NDFIP2: variants seen among roughly 807,000 people sequenced by gnomAD.
The protein encoded by NDFIP2 is NEDD4 family-interacting protein 2.
Under a neutral mutation model 36.0 loss-of-function variants are expected in NDFIP2, and 19 were observed. That is an observed-to-expected ratio of 0.53 (90% CI 0.37 to 0.77). The LOEUF (loss-of-function observed/expected upper bound fraction) is 0.77. NDFIP2 is among the 30% of genes least tolerant of loss of function. The pLI is 0.00. For missense variants in NDFIP2, 446 were observed against 435.8 expected, an observed-to-expected ratio of 1.02 and a Z score of -0.21; for synonymous variants, 181 against 167.7, an observed-to-expected ratio of 1.08 and a Z score of -0.61.
intron 1 of NDFIP2, among the ~76,000 whole-genome samples, chr13:79,514,050 G>A (rs574561808): frequency 6.6e-6 from 1 of 152,286 alleles, no homozygotes; most frequent in Admixed American, 6.5e-5. Flanking sequence ...GACCAGAGTT[G>A]TGATTCTTTT....
chr13:79,516,648 C>T lies in NDFIP2; in HGVS notation c.322-4162C>T, dbSNP rs535950925. On this transcript the variant is annotated intron_variant, in intron 1 of 7. Transcript: ENST00000218652. ...TGGTTTTTTAGATCACTTTTTTTTA[C>T]TACTTTAAAAATGATTTTTTAAAAA... 7.2e-5 allele frequency among the ~76,000 whole-genome samples: 11 copies of T among 152,092 alleles called. No homozygotes were observed. In the East Asian group the frequency reaches 2.1e-3, roughly 29 times the overall value.
chr13:79,555,562 GA>G lies in NDFIP2; in HGVS notation c.*3051del, dbSNP rs1250554534. 1 of 151,878 alleles carries G rather than the reference GA, an allele frequency of 6.6e-6. No homozygotes were observed. Among genetic ancestry groups the G allele is most frequent in the Non-Finnish European group, 1.5e-5 (1 of 67,928 alleles). The allele number at this position is 151,878 out of a possible 1,614,324, so 9.4% of individuals were successfully genotyped here. A position where few individuals can be genotyped will look rare whatever the true frequency, so the allele number is the denominator to read the frequency against. ...TTTCTAATGAACCATTTGGCCTGTA[GA>G]AGAGGAATAGTATTTTTTTTAATAG... On this transcript the variant is annotated 3_prime_UTR_variant, in exon 8 of 8. Coordinates refer to ENST00000218652, the MANE Select transcript of NDFIP2 (RefSeq NM_019080.3).
At chr13:79,500,146 G>A (rs1175114557) in intron 1 of NDFIP2, among the ~76,000 whole-genome samples, 6 of 149,210 alleles carry the variant, frequency 4.0e-5, no homozygotes, top group Admixed American at 6.7e-5. Context: ...AAATGGTGCT[G>A]GAACAGCTAG....
chr13:79,546,208 C>T (rs1875673316), intron 5 of NDFIP2, among the ~76,000 whole-genome samples: 1 of 141,600 alleles, frequency 7.1e-6, no homozygotes, highest in African/African-American at 2.4e-5. Flanking sequence ...CCTGGTGTTC[C>T]CTTTCATTAG....
At chr13:79,481,775 G>C (rs535576579) in intron 1 of NDFIP2, among the ~76,000 whole-genome samples, 1 of 152,162 alleles carries the variant, frequency 6.6e-6, no homozygotes, top group East Asian at 1.9e-4. Context: ...TAGCCCCGCT[G>C]TGAGACGCCC....
At chr13:79,534,207 G>A (rs1875133953) in intron 3 of NDFIP2, among the ~76,000 whole-genome samples, 1 of 151,870 alleles carries the variant, frequency 6.6e-6, no homozygotes, top group African/African-American at 2.4e-5. Flanking sequence ...GAATTCCATG[G>A]CCTATCATTT....
At chr13:79,537,062 T>C (rs1246921492) in intron 3 of NDFIP2, among the ~76,000 whole-genome samples, 13 of 151,460 alleles carry the variant, frequency 8.6e-5, no homozygotes, top group South Asian at 2.1e-4. Context: ...TTTTTTTTTT[T>C]CCTAAATGAT....
chr13:79,514,652 G>A (rs1874205776), intron 1 of NDFIP2, among the ~76,000 whole-genome samples: 1 of 152,114 alleles, frequency 6.6e-6, no homozygotes, highest in Admixed American at 6.5e-5. Flanking sequence ...GAAAATAGTT[G>A]AACATATATA....
intron 6 of NDFIP2, 35 bp downstream of exon 6, chr13:79,548,429 G>T: frequency 2.1e-6 from 3 of 1,438,808 alleles, no homozygotes; most frequent in Non-Finnish European, 2.9e-6. Context: ...GTTTAACTTG[G>T]ATATTTCCAA....
At chr13:79,546,758 T>A (rs2137116429) in intron 5 of NDFIP2, among the ~76,000 whole-genome samples, 1 of 152,334 alleles carries the variant, frequency 6.6e-6, no homozygotes. Flanking sequence ...CTGTTCTTGA[T>A]GTTCAGGTTA....
chr13:79,515,994 C>A (rs1874305719), intron 1 of NDFIP2, among the ~76,000 whole-genome samples: 1 of 150,662 alleles, frequency 6.6e-6, no homozygotes, highest in Non-Finnish European at 1.5e-5. Flanking sequence ...GTCATCTGCT[C>A]TAATATTCCA....
intron 6 of NDFIP2, among the ~76,000 whole-genome samples, chr13:79,550,673 C>G (rs1231215669): frequency 6.6e-6 from 1 of 151,350 alleles, no homozygotes; most frequent in African/African-American, 2.4e-5. Context: ...AAAGATTGAG[C>G]CCATGGGTTC....
At chr13:79,536,792 G>C (rs147979566) in intron 3 of NDFIP2, among the ~76,000 whole-genome samples, 1 of 152,162 alleles carries the variant, frequency 6.6e-6, no homozygotes, top group Non-Finnish European at 1.5e-5. Flanking sequence ...GGGAGGCTGA[G>C]GCAAGCAGGT....
rs142039160 is a variant in NDFIP2 at position 79,533,370 on chromosome 13, G to A, written c.535G>A (p.Val179Ile). The change falls in exon 3 of 8, where the codon GTT becomes ATT. Residue 179 changes from valine to isoleucine, a missense_variant. Around this residue, in one of 2 missense-constraint regions of NDFIP2, gnomAD observed 369 missense variants for 304.8 expected, o/e 1.21. Coordinates refer to ENST00000218652, the MANE Select transcript of NDFIP2 (RefSeq NM_019080.3). ...TTATCCCGTGCCACCTCCCTATAGC[G>A]TTGCTACCTCTCTTCCTACATACGA... ...EFYPVPPPYS[V>I]ATSLPTYDEA... is the part of the protein sequence containing the mutation. 3.5e-5 allele frequency: 56 copies of A among 1,611,778 alleles called. No homozygotes were observed. In the African/African-American group the frequency reaches 4.8e-4, roughly 14 times the overall value.
intron 1 of NDFIP2, among the ~76,000 whole-genome samples, chr13:79,506,315 AG>A: frequency 6.6e-6 from 1 of 152,070 alleles, no homozygotes; most frequent in East Asian, 1.9e-4. Context: ...TGATTCTCAC[AG>A]ACACACACAG....
intron 5 of NDFIP2, among the ~76,000 whole-genome samples, chr13:79,546,941 C>G (rs1439486850): frequency 2.0e-5 from 3 of 152,030 alleles, no homozygotes; most frequent in Middle Eastern, 3.4e-3. Context: ...TTTTCAATTT[C>G]AAGTCCCTCC....
chr13:79,523,827 A>G (rs1368943094), intron 2 of NDFIP2, among the ~76,000 whole-genome samples: 1 of 152,222 alleles, frequency 6.6e-6, no homozygotes, highest in East Asian at 1.9e-4. Context: ...ACTTCAGGTG[A>G]TCCTGGACTG....
intron 1 of NDFIP2, among the ~76,000 whole-genome samples, chr13:79,486,440 A>C (rs1872992843): frequency 6.6e-6 from 1 of 152,212 alleles, no homozygotes; most frequent in Non-Finnish European, 1.5e-5. Context: ...GATCCTTTCA[A>C]AGTAAGTTGC....
At chr13:79,486,140 C>T (rs925645895) in intron 1 of NDFIP2, among the ~76,000 whole-genome samples, 9 of 152,068 alleles carry the variant, frequency 5.9e-5, no homozygotes, top group African/African-American at 2.2e-4. Context: ...TACGTATATG[C>T]AATATTCCAA....
Sources: allele counts gnomAD v4.1 joint callset (sites outside exome capture counted in the v4.1 genomes callset), GRCh38; gene constraint gnomAD v4.1.1; regional missense constraint gnomAD v4.1.1; transcripts MANE v1.5; gene names NCBI Gene and HGNC (gene_info 2026-07-23, HGNC 2026-07-21).